Variants in INSYN1 observed in about 807,000 individuals in gnomAD.
INSYN1 encodes the protein inhibitory synaptic factor 1.
Under a neutral mutation model 17.1 loss-of-function variants are expected in INSYN1, and 7 were observed. That is an observed-to-expected ratio of 0.41 (90% confidence interval 0.23 to 0.77). INSYN1 has a LOEUF of 0.77. Ranked by LOEUF, INSYN1 falls within the 30% of genes least tolerant of loss-of-function variation. INSYN1 has a pLI of 0.32. For missense variants in INSYN1, 339 were observed against 400.6 expected (o/e 0.85, Z 1.31); for synonymous variants, 174 against 166.3 (o/e 1.05, Z -0.36).
intron 2 of INSYN1, among the ~76,000 whole-genome samples, chr15:73,748,395 C>A (rs768976901): frequency 1.1e-3 from 168 of 152,258 alleles, no homozygotes; most frequent in Non-Finnish European, 1.8e-3. Flanking sequence ...GCCCCCCACC[C>A]CCAACAGTCT....
Position 73,740,389 on chromosome 15 carries a change from G to A in INSYN1, c.410C>T (p.Pro137Leu), listed in dbSNP as rs753956163. The A allele has an allele frequency of 1.2e-6, 2 of 1,609,170 alleles. No homozygotes were observed. Among genetic ancestry groups the A allele is most frequent in the Non-Finnish European group, 1.7e-6 (2 of 1,177,552 alleles). The change falls in exon 3 of 3, where the codon CCT becomes CTT. Residue 137 changes from proline (P) to leucine (L), a missense_variant. Coordinates refer to ENST00000569673, the MANE Select transcript of INSYN1 (RefSeq NM_001039614.3). The part of the protein sequence containing the change: ...GPESTRPGAG[P>L]DYRLMNGGTP... ...GCCACCATTCATGAGGCGGTAGTCAGGGCCAGCCCCTGGCCGAGTCGACTC... is the reference window on the plus strand; with the variant it reads ...GCCACCATTCATGAGGCGGTAGTCAAGGCCAGCCCCTGGCCGAGTCGACTC...
At chr15:73,745,332 G>A (rs913375178) in intron 2 of INSYN1, among the ~76,000 whole-genome samples, 5 of 151,472 alleles carry the variant, frequency 3.3e-5, no homozygotes, top group African/African-American at 4.9e-5. Context: ...ACACTCCATC[G>A]AGCTCACTTC....
chr15:73,748,070 C>T (rs1005380836), intron 2 of INSYN1, among the ~76,000 whole-genome samples: 5 of 152,014 alleles, frequency 3.3e-5, no homozygotes, highest in South Asian at 2.1e-4. Context: ...TGTTGATCCC[C>T]GCGCCCCCAG....
chr15:73,740,119 T>G lies in INSYN1; in HGVS notation c.680A>C (p.His227Pro), dbSNP rs753387127. 5.6e-6 allele frequency: 9 copies of G among 1,613,758 alleles called. No homozygotes were observed. The Admixed American group carries it at 1.3e-4, about 24-fold the overall frequency. The change falls in exon 3 of 3, where the codon CAT (histidine) becomes CCT (proline). Residue 227 changes from histidine to proline, a missense_variant. Transcript: ENST00000569673. ...LPPEPAHTEA[H>P]AGPHKPSPAP... ...TGGGGAGGGCTTGTGGGGGCCTGCA[T>G]GGGCCTCTGTATGGGCAGGCTCAGG...
chr15:73,747,328 AG>A (rs1411990112), intron 2 of INSYN1, among the ~76,000 whole-genome samples: 1 of 152,152 alleles, frequency 6.6e-6, no homozygotes, highest in Non-Finnish European at 1.5e-5. Context: ...TGCTGACTGC[AG>A]GAGAAACTAA....
In INSYN1 at chr15:73,735,713, C is replaced by T. The variant is rs1003560594; in HGVS notation, c.*4204G>A. 4.6e-5 allele frequency: 7 copies of T among 152,182 alleles called. No homozygotes were observed. The highest frequency in any genetic ancestry group is 1.7e-4 in the African/African-American group (7 of 41,444). The allele number at this position is 152,182 out of a possible 1,614,324, so 9.4% of individuals were successfully genotyped here. On this transcript the variant is annotated 3_prime_UTR_variant, in exon 3 of 3. Transcript: ENST00000569673. ...CAGTGGATGTTTGCAGTAGATGATG[C>T]TAAGTCACTGTGTTTGTGGTTGAAT...
At position 73,735,572 on chromosome 15, in the gene INSYN1, A is replaced by C. The variant is rs1901502435; in HGVS notation, c.*4345T>G. ...GTTCTCCAAAGACTGAGGCATGTTC[A>C]CATGTTTCCTCACCCCAACACTCCC... On this transcript the variant is annotated 3_prime_UTR_variant, in exon 3 of 3. Coordinates refer to ENST00000569673, the MANE Select transcript of INSYN1 (RefSeq NM_001039614.3). 1.3e-5 allele frequency: 2 copies of C among 151,402 alleles called. No individual in the cohort carries two copies. Among genetic ancestry groups the C allele is most frequent in the African/African-American group, 4.8e-5 (2 of 41,420 alleles). The allele number at this position is 151,402 out of a possible 1,614,324, so 9.4% of individuals were successfully genotyped here.
rs1462000895 is a variant in INSYN1, at chr15:73,736,264, CT to C, written c.*3652del. On this transcript the variant is annotated 3_prime_UTR_variant, in exon 3 of 3. Coordinates refer to ENST00000569673, the MANE Select transcript of INSYN1 (RefSeq NM_001039614.3). Reference sequence around the variant, plus strand: ...TTGAAAGTCAGAATTCTCTCTATCCCTAGCTGGCCACATTTTGTGTTTCAAG... The same window carrying C: ...TTGAAAGTCAGAATTCTCTCTATCCCAGCTGGCCACATTTTGTGTTTCAAG... 6.6e-6 allele frequency: 1 copy of C among 152,446 alleles called. No homozygotes were observed. The highest frequency in any genetic ancestry group is 6.5e-5 in the Admixed American group (1 of 15,302). 9.4% of individuals were successfully genotyped at this position (152,446 alleles called of 1,614,324 possible).
rs1339033164 is a variant in INSYN1, at chr15:73,739,596, C to T, written c.*321G>A. 6.5e-6 allele frequency: 1 copy of T among 152,776 alleles called. No homozygotes were observed. The highest frequency in any genetic ancestry group is 1.5e-5 in the Non-Finnish European group (1 of 68,570). The allele number at this position is 152,776 out of a possible 1,614,324, so 9.5% of individuals were successfully genotyped here. ...ATGGCCCTGGCCATCAGCCAGACTC[C>T]ACCACAGAGTTCAGGGGCTAGCAAA... On this transcript the variant is annotated 3_prime_UTR_variant, in exon 3 of 3. Coordinates refer to ENST00000569673, the MANE Select transcript of INSYN1 (RefSeq NM_001039614.3).
intron 2 of INSYN1, among the ~76,000 whole-genome samples, chr15:73,747,800 C>T (rs547355302): frequency 1.2e-4 from 19 of 152,264 alleles, no homozygotes; most frequent in African/African-American, 3.6e-4. Context: ...GGGACTGGCC[C>T]GGTATCCTGG....
rs888841966 is a variant in INSYN1 at position 73,738,419 on chromosome 15, C to T, written c.*1498G>A. On this transcript the variant is annotated 3_prime_UTR_variant, in exon 3 of 3. Coordinates refer to ENST00000569673, the MANE Select transcript of INSYN1 (RefSeq NM_001039614.3). ...GGGGATAGGTGGGGGCACAGTGGCT[C>T]ACGCCTGTAATCCCGGGACTTTGGG... 3.3e-5 allele frequency: 5 copies of T among 152,308 alleles called. No homozygotes were observed. Among genetic ancestry groups the T allele is most frequent in the African/African-American group, 1.2e-4 (5 of 41,458 alleles). 9.4% of individuals were successfully genotyped at this position (152,308 alleles called of 1,614,324 possible).
chr15:73,750,406 T>C (rs74461407), intron 2 of INSYN1, among the ~76,000 whole-genome samples: 2,072 of 152,264 alleles, frequency 0.014, 16 homozygotes, highest in South Asian at 0.02. Flanking sequence ...GGAACTCTGT[T>C]ATCCACTACA....
chr15:73,741,219 C>T (rs547692173), intron 2 of INSYN1, among the ~76,000 whole-genome samples: 4 of 152,230 alleles, frequency 2.6e-5, no homozygotes, highest in Non-Finnish European at 5.9e-5. Context: ...ACGGCAAGAA[C>T]ACCAGGTGTA....
chr15:73,743,183 A>G (rs1404674345), intron 2 of INSYN1, among the ~76,000 whole-genome samples: 4 of 152,230 alleles, frequency 2.6e-5, no homozygotes, highest in Admixed American at 2.6e-4. Context: ...AGCTGAGGCC[A>G]GGCTGGGCCC....
intron 2 of INSYN1, among the ~76,000 whole-genome samples, chr15:73,747,163 C>T (rs1901857454): frequency 6.6e-6 from 1 of 152,188 alleles, no homozygotes; most frequent in South Asian, 2.1e-4. Flanking sequence ...ACCGGCTGCA[C>T]CCTCAGCCGG....
At chr15:73,751,912 C>T (rs1222481227) in intron 1 of INSYN1, among the ~76,000 whole-genome samples, 198 bp downstream of exon 1, 1 of 152,062 alleles carries the variant, frequency 6.6e-6, no homozygotes, top group Non-Finnish European at 1.5e-5. Flanking sequence ...AGTCCTCAGC[C>T]TGCTACGGGG....
rs562647511 is a variant in INSYN1, at chr15:73,740,610, G to C, written c.189C>G (p.Asp63Glu). 1.1e-5 allele frequency: 18 copies of C among 1,613,174 alleles called. No homozygotes were observed. Among genetic ancestry groups the C allele is most frequent in the Non-Finnish European group, 1.4e-5 (17 of 1,179,386 alleles). ...CGTCCGGCTCCAGTTCAAAGTCGAAGTCCGAGGTTAGCTTATCGATCTGGC... is the reference window on the plus strand; with the variant it reads ...CGTCCGGCTCCAGTTCAAAGTCGAACTCCGAGGTTAGCTTATCGATCTGGC... Reference protein sequence around the residue: ...VVSQIDKLTSDFDFELEPDDW... With the variant: ...VVSQIDKLTSEFDFELEPDDW... Residue 63 changes from aspartate (D) to glutamate (E), a missense_variant, in exon 3 of 3, where the codon GAC becomes GAG. By Grantham distance (45) the Asp-to-Glu change is conservative. Coordinates refer to ENST00000569673, the MANE Select transcript of INSYN1 (RefSeq NM_001039614.3).
At chr15:73,742,493 G>A (rs191909629) in intron 2 of INSYN1, among the ~76,000 whole-genome samples, 3 of 152,176 alleles carry the variant, frequency 2.0e-5, no homozygotes, top group Admixed American at 6.5e-5. Context: ...CCATGCTTTC[G>A]AGTGCTCACC....
intron 2 of INSYN1, among the ~76,000 whole-genome samples, chr15:73,741,176 G>A: frequency 6.6e-6 from 1 of 152,128 alleles, no homozygotes; most frequent in East Asian, 1.9e-4. Context: ...CAGCTGACTG[G>A]TGACTGTCGC....
Sources: allele counts gnomAD v4.1 joint callset (sites outside exome capture counted in the v4.1 genomes callset), GRCh38; gene constraint gnomAD v4.1.1; transcripts MANE v1.5; gene names NCBI Gene and HGNC (gene_info 2026-07-23, HGNC 2026-07-21).